The following CNTN5 variants were observed in gnomAD, a reference collection of about 807,000 sequenced individuals.
The protein encoded by CNTN5 is contactin 5, also known as contactin-5.
Under a neutral mutation model 129.1 loss-of-function variants are expected in CNTN5, and 77 were observed. The observed-to-expected ratio is 0.60, with a 90% confidence interval of 0.50 to 0.72. The LOEUF (loss-of-function observed/expected upper bound fraction) is 0.72, where lower values mean the gene tolerates loss of function less well. Ranked by LOEUF, CNTN5 falls within the 30% of genes least tolerant of loss-of-function variation. The pLI is 0.00. For synonymous variants in CNTN5, 509 were observed against 465.6 expected, an observed-to-expected ratio of 1.09 and a Z score of -1.20; for missense variants, 1,478 against 1,328.8, an observed-to-expected ratio of 1.11 and a Z score of -1.75.
intron 1 of CNTN5, among the ~76,000 whole-genome samples, chr11:99,200,813 C>A (rs889727169): frequency 6.6e-6 from 1 of 152,066 alleles, no homozygotes. Flanking sequence ...ACCCCAGAGG[C>A]CCACAGAGGT....
In CNTN5 at chr11:100,024,984, C is replaced by A. The variant is rs1941346397; in HGVS notation, c.980+22848C>A. On this transcript the variant is annotated intron_variant, in intron 9 of 24. Transcript: ENST00000524871. Reference sequence around the variant, plus strand: ...TCTGAGGGGAAATTCAAGCAGGCTGCAAAAACTTTTATAGCTAATGGGAAG... The same window carrying A: ...TCTGAGGGGAAATTCAAGCAGGCTGAAAAAACTTTTATAGCTAATGGGAAG... Among the ~76,000 whole-genome samples, 3 of 152,170 alleles carry A rather than the reference C, an allele frequency of 2.0e-5. No individual in the cohort carries two copies. The South Asian group carries it at 6.2e-4, about 32-fold the overall frequency.
intron 13 of CNTN5, among the ~76,000 whole-genome samples, chr11:100,109,676 C>T (rs1425702037): frequency 2.6e-5 from 4 of 151,968 alleles, no homozygotes; most frequent in South Asian, 4.1e-4. Flanking sequence ...GAATAAAATG[C>T]GAAAGTATTA....
chr11:99,237,605 C>G lies in CNTN5; in HGVS notation c.-209-87741C>G, dbSNP rs113867975. ...CTGAGGCAGGGGAATCGTTTGAACC[C>G]GGGAGGCGGAGGTTGCAGTGAGCTG... On this transcript the variant is annotated intron_variant, in intron 1 of 24. Coordinates refer to ENST00000524871, the MANE Select transcript of CNTN5 (RefSeq NM_014361.4). 2.0e-5 allele frequency among the ~76,000 whole-genome samples: 3 copies of G among 151,980 alleles called. No individual in the cohort carries two copies. In the East Asian group the frequency reaches 5.8e-4, roughly 30 times the overall value.
chr11:99,189,511 A>G (rs573142028), intron 1 of CNTN5, among the ~76,000 whole-genome samples: 1 of 151,766 alleles, frequency 6.6e-6, no homozygotes, highest in East Asian at 1.9e-4. Context: ...AACACTATGC[A>G]AAGGTTTCCA....
At chr11:100,221,427 A>G (rs1439149240) in intron 15 of CNTN5, among the ~76,000 whole-genome samples, 2 of 152,244 alleles carry the variant, frequency 1.3e-5, no homozygotes, top group Non-Finnish European at 2.9e-5. Context: ...TATAATTGGC[A>G]GTCTTACGTT....
At chr11:99,939,110 G>A (rs1047252592) in intron 7 of CNTN5, among the ~76,000 whole-genome samples, 1 of 151,944 alleles carries the variant, frequency 6.6e-6, no homozygotes, top group Non-Finnish European at 1.5e-5. Context: ...TTAAAAAGAT[G>A]AACTCATAAG....
chr11:100,332,029 G>A (rs1220493130), intron 21 of CNTN5, among the ~76,000 whole-genome samples: 1 of 151,936 alleles, frequency 6.6e-6, no homozygotes, highest in Non-Finnish European at 1.5e-5. Context: ...AAATACAAAA[G>A]ATAAATGAAA....
intron 13 of CNTN5, among the ~76,000 whole-genome samples, chr11:100,151,797 T>C (rs1947070502): frequency 6.6e-6 from 1 of 152,204 alleles, no homozygotes; most frequent in South Asian, 2.1e-4. Context: ...TTTTTTTGTA[T>C]ACTTAAAGTA....
intron 3 of CNTN5, among the ~76,000 whole-genome samples, chr11:99,660,402 A>G (rs1414132258): frequency 6.6e-6 from 1 of 152,118 alleles, no homozygotes; most frequent in Non-Finnish European, 1.5e-5. Context: ...TTCATCCTCT[A>G]TATTGTGGTG....
chr11:99,595,908 T>G (rs1449473422), intron 3 of CNTN5, among the ~76,000 whole-genome samples: 2 of 152,114 alleles, frequency 1.3e-5, no homozygotes, highest in African/African-American at 2.4e-5. Flanking sequence ...GCTTCAAGTC[T>G]AAGTCCCTAA....
intron 3 of CNTN5, among the ~76,000 whole-genome samples, chr11:99,804,864 T>C (rs958842928): frequency 6.7e-6 from 1 of 150,194 alleles, no homozygotes; most frequent in Non-Finnish European, 1.5e-5. Context: ...CACATATATA[T>C]TATACATATA....
chr11:99,616,916 G>A (rs537016370), intron 3 of CNTN5, among the ~76,000 whole-genome samples: 36 of 152,316 alleles, frequency 2.4e-4, no homozygotes, highest in African/African-American at 8.7e-4. Context: ...TTCGAGACCA[G>A]CCTGGCCAAC....
intron 21 of CNTN5, among the ~76,000 whole-genome samples, chr11:100,339,444 G>A (rs1170601598): frequency 2.6e-5 from 4 of 152,120 alleles, no homozygotes; most frequent in Admixed American, 6.5e-5. Context: ...CTCTCTCATC[G>A]CTTCTGACTG....
At chr11:100,238,735 C>T (rs1172704875) in intron 16 of CNTN5, among the ~76,000 whole-genome samples, 1 of 152,100 alleles carries the variant, frequency 6.6e-6, no homozygotes, top group African/African-American at 2.4e-5. Context: ...TGTCCCTTAT[C>T]TTTAAGATTA....
chr11:100,250,191 A>T (rs1006900580), intron 16 of CNTN5, among the ~76,000 whole-genome samples: 9 of 152,036 alleles, frequency 5.9e-5, no homozygotes, highest in Non-Finnish European at 1.2e-4. Context: ...CATTTTTATT[A>T]CCACTCTAAA....
At chr11:99,809,310 T>A (rs1381080456) in intron 3 of CNTN5, among the ~76,000 whole-genome samples, 1 of 152,188 alleles carries the variant, frequency 6.6e-6, no homozygotes, top group Admixed American at 6.6e-5. Context: ...TTGTTGAAAT[T>A]CCATGATTAT....
chr11:99,031,906 T>C, intron 1 of CNTN5, among the ~76,000 whole-genome samples: 1 of 114,004 alleles, frequency 8.8e-6, no homozygotes, highest in Non-Finnish European at 1.8e-5. Flanking sequence ...CCCAATGCTA[T>C]CCCTCCCCCC....
chr11:99,556,407 G>A, intron 3 of CNTN5, 138 bp downstream of exon 3: 1 of 481,736 alleles, frequency 2.1e-6, no homozygotes, highest in Non-Finnish European at 3.6e-6. Flanking sequence ...CAAGAGAAAG[G>A]CAGCAACCCT....
At chr11:100,109,534 AT>A (rs903533867) in intron 13 of CNTN5, among the ~76,000 whole-genome samples, 2 of 152,032 alleles carry the variant, frequency 1.3e-5, no homozygotes, top group Non-Finnish European at 2.9e-5. Flanking sequence ...TCTTCCACTT[AT>A]TTTTTTTATT....
Sources: gnomAD v4.1 joint callset for allele counts (sites outside exome capture counted in the v4.1 genomes callset) on GRCh38, gnomAD v4.1.1 for gene constraint, MANE v1.5 for transcripts, NCBI Gene and HGNC (gene_info 2026-07-23, HGNC 2026-07-21) for gene names.